MCM5: variants seen among roughly 807,000 people sequenced by gnomAD.
The protein encoded by MCM5 is minichromosome maintenance complex component 5.
Under a neutral mutation model 79.9 loss-of-function variants are expected in MCM5, and 46 were observed. That is an observed-to-expected ratio of 0.58 (90% CI 0.45 to 0.74). The LOEUF (loss-of-function observed/expected upper bound fraction) is 0.74. Ranked by LOEUF, MCM5 falls within the 30% of genes least tolerant of loss-of-function variation. The probability of loss-of-function intolerance (pLI) is 0.00; values close to 1 mark genes in which losing one functional copy is unlikely to be tolerated. For synonymous variants in MCM5, 404 were observed against 390.5 expected (o/e 1.03, Z -0.41); for missense variants, 883 against 1,017.0 (o/e 0.87, Z 1.79).
At chr22:35,425,655 G>A (rs762956107), downstream of MCM5, among the ~76,000 whole-genome samples, 1 of 152,016 alleles carries the variant, frequency 6.6e-6, no homozygotes. Context: ...CTTACTGGGC[G>A]CGCTGTGGGT....
At chr22:35,429,287 A>C (rs1932797988), downstream of MCM5, among the ~76,000 whole-genome samples, 1 of 50,412 alleles carries the variant, frequency 2.0e-5, no homozygotes, top group Non-Finnish European at 4.3e-5. Flanking sequence ...TGCCCGGCCA[A>C]ATCTTTTTGA....
chr22:35,442,823 T>C, the MCM5 span, among the ~76,000 whole-genome samples: 7 of 152,276 alleles, frequency 4.6e-5, no homozygotes, highest in African/African-American at 1.4e-4. Context: ...TGAACATCTT[T>C]CCAGGCCACT....
chr22:35,454,502 A>T, the MCM5 span, among the ~76,000 whole-genome samples: 1 of 151,758 alleles, frequency 6.6e-6, no homozygotes, highest in Non-Finnish European at 1.5e-5. Flanking sequence ...CATCGGCAAG[A>T]GGTTCCTGTG....
At chr22:35,416,916 T>G (rs1601760535) in intron 12 of MCM5, 102 bp downstream of exon 12, 3 of 1,340,186 alleles carry the variant, frequency 2.2e-6, no homozygotes, top group Non-Finnish European at 3.1e-6. Flanking sequence ...GCTGGCAAAG[T>G]CCTGACTGTC....
intron 4 of MCM5, among the ~76,000 whole-genome samples, chr22:35,405,953 G>C (rs1310028798): frequency 6.6e-6 from 1 of 151,566 alleles, no homozygotes; most frequent in Non-Finnish European, 1.5e-5. Context: ...GGAGGTTGCA[G>C]TAAGCCGAGA....
At chr22:35,406,304 C>G (rs1932212295) in intron 4 of MCM5, among the ~76,000 whole-genome samples, 1 of 144,230 alleles carries the variant, frequency 6.9e-6, no homozygotes, top group South Asian at 2.3e-4. Flanking sequence ...CCACCTCCCC[C>G]CCCAATTGTG....
the MCM5 span, among the ~76,000 whole-genome samples, chr22:35,447,202 G>A: frequency 2.6e-5 from 4 of 152,158 alleles, no homozygotes; most frequent in African/African-American, 7.2e-5. Flanking sequence ...ACATGAAGCT[G>A]TGTGGGAAAG....
chr22:35,438,226 TCCACCCACCCAC>T, the MCM5 span, among the ~76,000 whole-genome samples: 3 of 143,788 alleles, frequency 2.1e-5, no homozygotes, highest in East Asian at 6.1e-4. Context: ...TATCCATCCA[TCCACCCACCCAC>T]CCACATATTC....
chr22:35,412,386 C>A (rs1932407549), intron 7 of MCM5, 124 bp from the exon 8 acceptor site: 2 of 681,720 alleles, frequency 2.9e-6, no homozygotes, highest in Non-Finnish European at 4.5e-6. Flanking sequence ...ATAGGTTGTG[C>A]TGTCCTGGCC....
the MCM5 span, among the ~76,000 whole-genome samples, chr22:35,432,630 A>G: frequency 5.1e-4 from 78 of 152,292 alleles, 1 homozygote; most frequent in South Asian, 2.1e-4. Context: ...CCCAGTCACT[A>G]TCTAGTCCCT....
intron 1 of MCM5, 86 bp downstream of exon 1, chr22:35,400,294 C>T: frequency 2.3e-6 from 2 of 877,076 alleles, no homozygotes; most frequent in Non-Finnish European, 3.7e-6. Context: ...AGGAGTTTCT[C>T]GGGAACTGGG....
downstream of MCM5, among the ~76,000 whole-genome samples, chr22:35,429,233 G>A (rs1332221630): frequency 1.3e-5 from 2 of 151,836 alleles, no homozygotes; most frequent in African/African-American, 4.8e-5. Context: ...TGATCCACCT[G>A]CCTCGGCCTC....
the MCM5 span, among the ~76,000 whole-genome samples, chr22:35,438,166 G>A: frequency 2.0e-5 from 3 of 152,058 alleles, no homozygotes. Context: ...CTTAGCCTGG[G>A]AACTGCTGCT....
At chr22:35,431,032 G>A in the MCM5 span, among the ~76,000 whole-genome samples, 3 of 152,218 alleles carry the variant, frequency 2.0e-5, no homozygotes, top group Non-Finnish European at 4.4e-5. Flanking sequence ...GCAGCCTCCC[G>A]CACCCACCCG....
chr22:35,412,095 G>A (rs1004890025), intron 7 of MCM5, among the ~76,000 whole-genome samples: 1 of 152,176 alleles, frequency 6.6e-6, no homozygotes, highest in Admixed American at 6.5e-5. Context: ...CTGAGCCCTT[G>A]TCAGCCCTCC....
chr22:35,410,204 C>A (rs532621111), intron 6 of MCM5, among the ~76,000 whole-genome samples: 2 of 152,254 alleles, frequency 1.3e-5, no homozygotes, highest in Non-Finnish European at 2.9e-5. Context: ...CTGTCTCTGA[C>A]TGGGGGACTT....
At chr22:35,403,109 G>A in intron 2 of MCM5, 98 bp from the exon 3 acceptor site, 3 of 1,423,118 alleles carry the variant, frequency 2.1e-6, no homozygotes, top group Non-Finnish European at 2.9e-6. Flanking sequence ...TGGTGGCTGT[G>A]GTGTGGGCAG....
At chr22:35,407,802 T>A in intron 5 of MCM5, among the ~76,000 whole-genome samples, 1 of 152,212 alleles carries the variant, frequency 6.6e-6, no homozygotes, top group East Asian at 1.9e-4. Context: ...TTTAATATGA[T>A]TGTTTGCTTG....
At chr22:35,450,472 G>A in the MCM5 span, among the ~76,000 whole-genome samples, 14 of 152,238 alleles carry the variant, frequency 9.2e-5, no homozygotes, top group South Asian at 2.3e-3. Flanking sequence ...GGGAGGAAGC[G>A]CTGTCTCTAA....
Sources: gnomAD v4.1 joint callset for allele counts (sites outside exome capture counted in the v4.1 genomes callset) on GRCh38, gnomAD v4.1.1 for gene constraint, MANE v1.5 for transcripts, NCBI Gene and HGNC (gene_info 2026-07-23, HGNC 2026-07-21) for gene names.